The following ADAMTSL4 variants were observed in gnomAD, a reference collection of about 807,000 sequenced individuals.
ADAMTSL4 encodes the protein ADAMTS like 4, also known as ADAMTS-like protein 4.
In ADAMTSL4, 97 loss-of-function variants were observed where a neutral mutation model predicts 122.8. The ratio of observed to expected loss-of-function variants is 0.79; its 90% CI spans 0.67 to 0.93. The LOEUF (loss-of-function observed/expected upper bound fraction) is 0.93, where lower values mean the gene tolerates loss of function less well. Among genes scored for constraint, ADAMTSL4 ranks in the 40% least tolerant of loss-of-function variants. ADAMTSL4 has a pLI of 0.00. For synonymous variants in ADAMTSL4, 592 were observed against 568.0 expected (o/e 1.04, Z -0.60); for missense variants, 1,408 against 1,453.5 (o/e 0.97, Z 0.51).
intron 2 of ADAMTSL4, chr1:150,550,211 C>T: frequency 2.2e-6 from 1 of 456,642 alleles, no homozygotes; most frequent in Non-Finnish European, 4.4e-6. Flanking sequence ...CCAGAGTGAC[C>T]ACCTCTGACC....
At chr1:150,550,397 C>G in intron 2 of ADAMTSL4, 1 of 439,904 alleles carries the variant, frequency 2.3e-6, no homozygotes, top group Non-Finnish European at 4.6e-6. Context: ...GCCCGGGCCC[C>G]GGGAGCTCAC....
In ADAMTSL4 at chr1:150,552,469, G is replaced by A. The variant is rs1051411765; in HGVS notation, c.21-74G>A. 8.1e-6 allele frequency: 13 copies of A among 1,602,322 alleles called. No individual in the cohort carries two copies. Among genetic ancestry groups the A allele is most frequent in the African/African-American group, 6.7e-5 (5 of 74,646 alleles). On this transcript the variant is annotated intron_variant, in intron 3 of 18. Transcript: ENST00000271643. This position sits in a 1 kb window ranked among gnomAD's most constrained non-coding sequence, Gnocchi z 4.0. ...GGTAGTCAGGATATGGGAGCCGGCT[G>A]GGGGCGGAGGGCAGTGTTGCAACAC...
intron 2 of ADAMTSL4, chr1:150,550,522 G>GT: frequency 2.7e-6 from 1 of 369,728 alleles, no homozygotes; most frequent in South Asian, 2.0e-5. Context: ...GATCTCGGTG[G>GT]CAGAGAGAAG....
chr1:150,558,108 C>T lies in ADAMTSL4; in HGVS notation c.2341C>T (p.Arg781Cys), dbSNP rs149442347. ...CAACATCACCCAGTCTTGCCAGCTG[C>T]GCCTCTGTGGCCATTGGGAAGTTGG... ...RPNITQSCQLRLCGHWEVGSP... is the reference protein window; with the variant it reads ...RPNITQSCQLCLCGHWEVGSP... The change falls in exon 14 of 19, where the codon CGC becomes TGC. Residue 781 changes from arginine to cysteine, a missense_variant. Transcript: ENST00000271643. 1.4e-4 allele frequency: 225 copies of T among 1,613,332 alleles called. No individual in the cohort carries two copies. The highest frequency in any genetic ancestry group is 2.8e-4 in the Admixed American group (17 of 60,026).
intron 13 of ADAMTSL4, 46 bp downstream of exon 13, chr1:150,557,669 C>T: frequency 6.4e-7 from 1 of 1,572,408 alleles, no homozygotes; most frequent in Non-Finnish European, 8.6e-7. Context: ...ACTGGAAACA[C>T]AGCAGTTGCC....
intron 12 of ADAMTSL4, 54 bp from the exon 13 acceptor site, chr1:150,557,440 A>G: frequency 6.2e-7 from 1 of 1,611,794 alleles, no homozygotes; most frequent in South Asian, 1.1e-5. Context: ...CTGGGACACC[A>G]CTGAGCTTGG....
In ADAMTSL4 at chr1:150,556,474, C is replaced by T. The variant is rs925469977; in HGVS notation, c.1576+108C>T. On this transcript the variant is annotated intron_variant, in intron 9 of 18. Transcript: ENST00000271643. The surrounding 1 kb of genome is among the most constrained non-coding windows in gnomAD (Gnocchi z 4.1). The stretch of plus-strand genomic sequence containing the variant: ...CAGGGGGAAGTCCAGGGCCTAGCCC[C>T]TCCCCTCGTGGAAGGAGTGAGGAAG... 1.3e-6 allele frequency: 2 copies of T among 1,567,858 alleles called. No homozygotes were observed. The highest frequency in any genetic ancestry group is 1.7e-6 in the Non-Finnish European group (2 of 1,144,244).
Position 150,556,800 on chromosome 1 carries a change from C to G in ADAMTSL4, c.1749+7C>G, listed in dbSNP as rs1672178202. The G allele has an allele frequency of 1.2e-6, 2 of 1,612,696 alleles. No homozygotes were observed. Among genetic ancestry groups the G allele is most frequent in the Admixed American group, 1.7e-5 (1 of 59,884 alleles). The stretch of plus-strand genomic sequence containing the variant: ...CCAGCCTGTGGATGTCTATGTGAGC[C>G]TGGGGCCAGGGGCAGCTGAATGCTG... On this transcript the variant is annotated splice_region_variant and intron_variant, in intron 10 of 18. Transcript: ENST00000271643. This position sits in a 1 kb window ranked among gnomAD's most constrained non-coding sequence, Gnocchi z 4.1.
chr1:150,552,488 G>A lies in ADAMTSL4; in HGVS notation c.21-55G>A, dbSNP rs1434411589. 9 of 1,611,120 alleles carry A rather than the reference G, an allele frequency of 5.6e-6. No individual in the cohort carries two copies. Among genetic ancestry groups the A allele is most frequent in the Non-Finnish European group, 6.8e-6 (8 of 1,177,456 alleles). On this transcript the variant is annotated intron_variant, in intron 3 of 18. Coordinates refer to ENST00000271643, the MANE Select transcript of ADAMTSL4 (RefSeq NM_019032.6). The surrounding 1 kb of genome is among the most constrained non-coding windows in gnomAD (Gnocchi z 4.0). ...CCGGCTGGGGGCGGAGGGCAGTGTT[G>A]CAACACCCCCTCTGGCTCCAGTCTG...
At position 150,559,578 on chromosome 1, in the gene ADAMTSL4, C is replaced by T; in HGVS notation, c.2943+112C>T. On this transcript the variant is annotated intron_variant, in intron 17 of 18. Coordinates refer to ENST00000271643, the MANE Select transcript of ADAMTSL4 (RefSeq NM_019032.6). This position sits in a 1 kb window ranked among gnomAD's most constrained non-coding sequence, Gnocchi z 4.1. ...CTCTGTGCCCCAGAATAAGCCCAGCCAAGCGTTACCACTGTCCTACTTCTT... is the reference window on the plus strand; with the variant it reads ...CTCTGTGCCCCAGAATAAGCCCAGCTAAGCGTTACCACTGTCCTACTTCTT... 6.4e-7 allele frequency: 1 copy of T among 1,559,730 alleles called. No individual in the cohort carries two copies. Among genetic ancestry groups the T allele is most frequent in the South Asian group, 1.1e-5 (1 of 88,678 alleles).
At position 150,560,280 on chromosome 1, in the gene ADAMTSL4, A is replaced by C. The variant is rs1201110531; in HGVS notation, c.*84A>C. ...CCCACTCTGAACCCCCTGGCTCTCC[A>C]GCCTGTCCCAGTCTCAGCAGGGATG... is the stretch of plus-strand genomic sequence containing the variant. On this transcript the variant is annotated 3_prime_UTR_variant, in exon 19 of 19. Transcript: ENST00000271643. 6.4e-7 allele frequency: 1 copy of C among 1,573,950 alleles called. No homozygotes were observed.
In ADAMTSL4 at chr1:150,559,419, C is replaced by G; in HGVS notation, c.2896C>G (p.Gln966Glu). 1 of 1,613,386 alleles carries G rather than the reference C, an allele frequency of 6.2e-7. No homozygotes were observed. ...LPRPPALQPC[Q>E]GQACQDRWFS... ...CAGGCCCCCTGCCCTGCAGCCCTGT[C>G]AAGGGCAGGCCTGCCAGGACCGATG... The change falls in exon 17 of 19, where the codon CAA becomes GAA. Residue 966 changes from glutamine (Q) to glutamate (E), a missense_variant. Transcript: ENST00000271643. The surrounding 1 kb of genome is among the most constrained non-coding windows in gnomAD (Gnocchi z 4.1).
intron 11 of ADAMTSL4, 28 bp from the exon 12 acceptor site, chr1:150,557,122 C>T: frequency 6.2e-7 from 1 of 1,612,958 alleles, no homozygotes; most frequent in Non-Finnish European, 8.5e-7. Flanking sequence ...AGTGGGGTGG[C>T]ATCTGATTCG....
Position 150,555,608 on chromosome 1 carries a change from C to T in ADAMTSL4, c.1371+43C>T, listed in dbSNP as rs371706677. 122 of 1,544,604 alleles carry T rather than the reference C, an allele frequency of 7.9e-5. 1 individual carries two copies. Among genetic ancestry groups the T allele is most frequent in the Non-Finnish European group, 1.0e-4 (120 of 1,149,874 alleles). ...GTGTGTGCACACACACATGCATATG[C>T]ACACAGACACATGCCCCCATATGCA... On this transcript the variant is annotated intron_variant, in intron 8 of 18. Transcript: ENST00000271643.
At position 150,553,820 on chromosome 1, in the gene ADAMTSL4, G is replaced by A; in HGVS notation, c.829G>A (p.Ala277Thr). The change falls in exon 6 of 19, where the codon GCA becomes ACA. Residue 277 changes from alanine to threonine, a missense_variant. Transcript: ENST00000271643. ...CTTAGGAGAAGGTGGCTTCTTCCGT[G>A]CATCCCCTCAGCCACGAAGGCCAAG... The part of the protein sequence containing the change: ...HSLGEGGFFR[A>T]SPQPRRPSSQ... The A allele has an allele frequency of 1.2e-6, 2 of 1,613,878 alleles. No individual in the cohort carries two copies. The highest frequency in any genetic ancestry group is 1.7e-6 in the Non-Finnish European group (2 of 1,179,942).
chr1:150,559,853 G>T lies in ADAMTSL4; in HGVS notation c.3036G>T (p.Leu1012=). ...QTLSTRCPPQ[L]RPSRKRPCNS... The stretch of plus-strand genomic sequence containing the variant: ...TCAGCACCCGATGCCCTCCTCAACT[G>T]CGGCCCTCCAGGAAGCGCCCCTGTA... The change falls in exon 18 of 19, where the codon CTG becomes CTT. Residue 1012 remains leucine, a synonymous_variant. Coordinates refer to ENST00000271643, the MANE Select transcript of ADAMTSL4 (RefSeq NM_019032.6). This position sits in a 1 kb window ranked among gnomAD's most constrained non-coding sequence, Gnocchi z 4.1. 6.2e-7 allele frequency: 1 copy of T among 1,613,986 alleles called. No individual in the cohort carries two copies. The highest frequency in any genetic ancestry group is 8.5e-7 in the Non-Finnish European group (1 of 1,180,022).
In ADAMTSL4 at chr1:150,552,792, C is replaced by A. The variant is rs962890910; in HGVS notation, c.79-106C>A. 1 of 1,351,998 alleles carries A rather than the reference C, an allele frequency of 7.4e-7. No homozygotes were observed. Among genetic ancestry groups the A allele is most frequent in the Non-Finnish European group, 1.0e-6 (1 of 952,954 alleles). 83.8% of individuals were successfully genotyped at this position (1,351,998 alleles called of 1,614,324 possible). Reference sequence around the variant, plus strand: ...GTTCTCCCTCTGCTGCTGAATGTGACCTTGGACTGGTAGCGACTCCGTGAG... The same window carrying A: ...GTTCTCCCTCTGCTGCTGAATGTGAACTTGGACTGGTAGCGACTCCGTGAG... On this transcript the variant is annotated intron_variant, in intron 4 of 18. Coordinates refer to ENST00000271643, the MANE Select transcript of ADAMTSL4 (RefSeq NM_019032.6). The surrounding 1 kb of genome is among the most constrained non-coding windows in gnomAD (Gnocchi z 4.0).
Position 150,559,032 on chromosome 1 carries a change from G to A in ADAMTSL4, c.2630G>A (p.Gly877Glu), listed in dbSNP as rs1246955842. ...TGCCTTGGGAGTGGGGCAGCCCTCG[G>A]GCCAGGCCAGGGGGAAGCAGGAGCA... Reference protein sequence around the residue: ...VVCLGSGAALGPGQGEAGAGT... With the variant: ...VVCLGSGAALEPGQGEAGAGT... The change falls in exon 16 of 19, where the codon GGG becomes GAG. Residue 877 changes from glycine (G) to glutamate (E), a missense_variant. Physicochemically the swap from Gly to Glu is moderately conservative, Grantham distance 98. Coordinates refer to ENST00000271643, the MANE Select transcript of ADAMTSL4 (RefSeq NM_019032.6). This position sits in a 1 kb window ranked among gnomAD's most constrained non-coding sequence, Gnocchi z 4.1. 4 of 1,612,144 alleles carry A rather than the reference G, an allele frequency of 2.5e-6. No homozygotes were observed. Among genetic ancestry groups the A allele is most frequent in the Non-Finnish European group, 3.4e-6 (4 of 1,179,896 alleles).
chr1:150,553,932 A>C lies in ADAMTSL4; in HGVS notation c.941A>C (p.Gln314Pro), dbSNP rs1195449016. ...SVPRGRGQQG[Q>P]GPWGTGGTPH... is the part of the protein sequence containing the mutation. The stretch of plus-strand genomic sequence containing the variant: ...CCTCGGGGCCGAGGCCAGCAGGGCC[A>C]AGGGCCTTGGGGAACGGGGGGGACT... Residue 314 changes from glutamine (Q) to proline (P), a missense_variant, in exon 6 of 19, where the codon CAA becomes CCA. Physicochemically the swap from Gln to Pro is moderately conservative, Grantham distance 76. Transcript: ENST00000271643. 1 of 1,610,866 alleles carries C rather than the reference A, an allele frequency of 6.2e-7. No individual in the cohort carries two copies. Among genetic ancestry groups the C allele is most frequent in the Non-Finnish European group, 8.5e-7 (1 of 1,178,950 alleles).
Sources: allele counts gnomAD v4.1 joint callset, GRCh38; gene constraint gnomAD v4.1.1; non-coding constraint Gnocchi (gnomAD v3.1); transcripts MANE v1.5; gene names NCBI Gene and HGNC (gene_info 2026-07-23, HGNC 2026-07-21).